Variants in WDR41 observed in about 807,000 individuals in gnomAD.
WDR41 encodes the protein WD repeat domain 41, also known as WD repeat-containing protein 41.
Under a neutral mutation model 69.3 loss-of-function variants are expected in WDR41, and 63 were observed. The ratio of observed to expected loss-of-function variants is 0.91; its 90% confidence interval spans 0.74 to 1.12. The LOEUF is 1.12. Ranked by LOEUF, WDR41 falls within the 50% of genes most tolerant of loss-of-function variation. The probability of loss-of-function intolerance (pLI) is 0.00; values close to 1 mark genes in which losing one functional copy is unlikely to be tolerated. For synonymous variants in WDR41, 185 were observed against 192.1 expected, an observed-to-expected ratio of 0.96 and a Z score of 0.31; for missense variants, 543 against 534.5, an observed-to-expected ratio of 1.02 and a Z score of -0.16.
At chr5:77,528,045 A>T (rs1013301811) in intron 1 of WDR41, among the ~76,000 whole-genome samples, 3 of 151,748 alleles carry the variant, frequency 2.0e-5, no homozygotes, top group Admixed American at 1.3e-4. Context: ...TCAAAATAGG[A>T]AGAAAATAAT....
At chr5:77,503,964 G>C (rs1388907466) in intron 1 of WDR41, among the ~76,000 whole-genome samples, 3 of 152,092 alleles carry the variant, frequency 2.0e-5, no homozygotes, top group African/African-American at 7.2e-5. Context: ...ACAATTAAAA[G>C]AACTAGAGAA....
intron 1 of WDR41, chr5:77,491,424 GT>G (rs1274197363): frequency 6.5e-6 from 1 of 153,894 alleles, no homozygotes; most frequent in Non-Finnish European, 1.4e-5. Context: ...AGCCTGTTTG[GT>G]GGTCTCTTCA....
intron 8 of WDR41, among the ~76,000 whole-genome samples, chr5:77,442,894 C>CAAGAAAAAAAAA (rs1799225725): frequency 1.8e-5 from 1 of 56,260 alleles, no homozygotes; most frequent in Non-Finnish European, 2.8e-5. Context: ...TCTGTCTCCC[C>CAAGAAAAAAAAA]AAAAAAAAAA....
intron 1 of WDR41, among the ~76,000 whole-genome samples, chr5:77,535,228 T>C (rs1742952011): frequency 6.6e-6 from 1 of 152,194 alleles, no homozygotes; most frequent in Non-Finnish European, 1.5e-5. Flanking sequence ...AGAAGAACTG[T>C]AGCTCTTAAT....
chr5:77,488,321 C>T (rs1313097656), intron 2 of WDR41, among the ~76,000 whole-genome samples: 2 of 152,084 alleles, frequency 1.3e-5, no homozygotes, highest in African/African-American at 4.8e-5. Context: ...AGAGAGAAGG[C>T]TGAGCACGGT....
intron 1 of WDR41, among the ~76,000 whole-genome samples, chr5:77,608,632 G>A (rs1744475338): frequency 6.6e-6 from 1 of 152,188 alleles, no homozygotes; most frequent in Non-Finnish European, 1.5e-5. Flanking sequence ...GTGCTCTTCT[G>A]TACCTAATTC....
intron 1 of WDR41, among the ~76,000 whole-genome samples, chr5:77,534,981 A>G (rs1270910657): frequency 6.6e-6 from 1 of 152,206 alleles, no homozygotes; most frequent in Non-Finnish European, 1.5e-5. Flanking sequence ...TGTGAACCCA[A>G]TAGTTATGTT....
intron 2 of WDR41, among the ~76,000 whole-genome samples, chr5:77,465,161 A>C (rs1800248535): frequency 6.6e-6 from 1 of 152,192 alleles, no homozygotes; most frequent in African/African-American, 2.4e-5. Flanking sequence ...GTGATATTCT[A>C]GGAAGTGATT....
intron 8 of WDR41, among the ~76,000 whole-genome samples, chr5:77,445,627 A>G (rs1289979560): frequency 6.6e-6 from 1 of 152,236 alleles, no homozygotes; most frequent in Non-Finnish European, 1.5e-5. Flanking sequence ...AACATATGCA[A>G]ATCAATAAAC....
At chr5:77,477,309 C>T (rs1800987127) in intron 2 of WDR41, among the ~76,000 whole-genome samples, 1 of 150,700 alleles carries the variant, frequency 6.6e-6, no homozygotes, top group Admixed American at 6.6e-5. Flanking sequence ...GAAATCAGCT[C>T]TGCACCAAGC....
chr5:77,581,913 C>T (rs983649674), intron 1 of WDR41, among the ~76,000 whole-genome samples: 2 of 152,062 alleles, frequency 1.3e-5, no homozygotes, highest in Non-Finnish European at 2.9e-5. Flanking sequence ...AAATCAATAA[C>T]CTAACCTAAC....
At position 77,589,155 on chromosome 5, in the gene WDR41, A is replaced by G. The variant is rs182857469; in HGVS notation, c.42+31324T>C. ...TCCTCTAATGACTGTGAAGCAGCAA[A>G]TATTGATTTGGGGGTTACAAATAAA... is the stretch of plus-strand genomic sequence containing the variant. On this transcript the variant is annotated intron_variant, in intron 1 of 5. Transcript: ENST00000509971. 7.2e-5 allele frequency among the ~76,000 whole-genome samples: 11 copies of G among 152,326 alleles called. No individual in the cohort carries two copies. In the East Asian group the frequency reaches 1.5e-3, roughly 21 times the overall value.
At chr5:77,527,801 C>T (rs1024616098) in intron 1 of WDR41, among the ~76,000 whole-genome samples, 23 of 151,588 alleles carry the variant, frequency 1.5e-4, no homozygotes, top group African/African-American at 4.6e-4. Flanking sequence ...TTAATATTTC[C>T]ATCTATGTGG....
At chr5:77,457,687 TA>T (rs33914254) in intron 5 of WDR41, among the ~76,000 whole-genome samples, 21,180 of 151,920 alleles carry the variant, frequency 0.14, 2,090 homozygotes, top group African/African-American at 0.25. Flanking sequence ...TCAACCCTTA[TA>T]AAAAATTTTG....
intron 1 of WDR41, among the ~76,000 whole-genome samples, chr5:77,611,651 G>C (rs1181144151): frequency 6.6e-6 from 1 of 152,264 alleles, no homozygotes; most frequent in Non-Finnish European, 1.5e-5. Context: ...AGTGTGTAGA[G>C]GGAAATTTAT....
At chr5:77,496,115 C>A (rs770703039), upstream of WDR41, among the ~76,000 whole-genome samples, 3 of 152,074 alleles carry the variant, frequency 2.0e-5, no homozygotes, top group Middle Eastern at 3.4e-3. Flanking sequence ...GGGGAAATTC[C>A]TCAATAGGAT....
intron 4 of WDR41, among the ~76,000 whole-genome samples, chr5:77,460,219 A>G (rs200276255): frequency 1.3e-5 from 2 of 152,126 alleles, no homozygotes; most frequent in East Asian, 3.8e-4. Flanking sequence ...TCCCTTTCAC[A>G]CCATCATAAA....
At chr5:77,454,318 G>A (rs1398231278) in intron 5 of WDR41, among the ~76,000 whole-genome samples, 7 of 152,180 alleles carry the variant, frequency 4.6e-5, no homozygotes, top group East Asian at 1.9e-4. Context: ...CTCCTCCACC[G>A]CAGTCAGGCC....
chr5:77,582,950 A>G, intron 1 of WDR41: 2 of 1,609,016 alleles, frequency 1.2e-6, no homozygotes, highest in Non-Finnish European at 1.7e-6. Context: ...GATTTGATTC[A>G]TGAGATCTAT....
Sources: gnomAD v4.1 joint callset for allele counts (sites outside exome capture counted in the v4.1 genomes callset) on GRCh38, gnomAD v4.1.1 for gene constraint, MANE v1.5 for transcripts, NCBI Gene and HGNC (gene_info 2026-07-23, HGNC 2026-07-21) for gene names.